The following LAMA5 variants were observed in gnomAD, a reference collection of about 807,000 sequenced individuals.
LAMA5 encodes laminin subunit alpha-5.
Under a neutral mutation model 433.4 loss-of-function variants are expected in LAMA5, and 260 were observed. The ratio of observed to expected loss-of-function variants is 0.60; its 90% CI spans 0.54 to 0.66. The LOEUF (loss-of-function observed/expected upper bound fraction) is 0.66, where lower values mean the gene tolerates loss of function less well. Among genes scored for constraint, LAMA5 ranks in the 30% least tolerant of loss-of-function variants. LAMA5 has a pLI of 0.00. For synonymous variants in LAMA5, 2,620 were observed against 2,226.6 expected (o/e 1.18, Z -4.97); for missense variants, 5,378 against 5,258.5 (o/e 1.02, Z -0.70).
chr20:62,347,864 G>A (rs958757037), intron 6 of LAMA5, among the ~76,000 whole-genome samples: 1 of 152,196 alleles, frequency 6.6e-6, no homozygotes, highest in Admixed American at 6.5e-5. Flanking sequence ...TGTCCTCCAC[G>A]GGGCCCACCT....
chr20:62,341,826 C>CAAAA lies in LAMA5; in HGVS notation c.1478-3222_1478-3219dup, dbSNP rs11466846. The stretch of plus-strand genomic sequence containing the variant: ...CGAACCTCTGTTAGGTCTGATCAAC[C>CAAAA]AAAAAAAAAAAAAAAAAAAAAGAAG... On this transcript the variant is annotated intron_variant, in intron 11 of 79. Coordinates refer to ENST00000252999, the MANE Select transcript of LAMA5 (RefSeq NM_005560.6). Among the ~76,000 whole-genome samples the CAAAA allele has an allele frequency of 3.0e-3, 379 of 127,960 alleles. 1 individual carries two copies. The highest frequency in any genetic ancestry group is 0.013 in the African/African-American group (355 of 26,408). 83.9% of individuals were successfully genotyped at this position (127,960 alleles called of 152,430 possible). A position where few individuals can be genotyped will look rare whatever the true frequency, so the allele number is the denominator to read the frequency against.
chr20:62,332,346 G>A, intron 28 of LAMA5, 26 bp downstream of exon 28: 5 of 1,490,878 alleles, frequency 3.4e-6, no homozygotes, highest in Non-Finnish European at 4.7e-6. Flanking sequence ...CTGACCCCTT[G>A]GGGTGGGGAC....
At chr20:62,362,272 G>A in intron 2 of LAMA5, 128 bp downstream of exon 2, 1 of 958,586 alleles carries the variant, frequency 1.0e-6, no homozygotes, top group South Asian at 3.2e-5. Context: ...AGTCCTTCGT[G>A]TCCAGCCTCC....
chr20:62,342,302 C>CACA (rs1982722351), intron 11 of LAMA5: 1 of 300,370 alleles, frequency 3.3e-6, no homozygotes, highest in Non-Finnish European at 6.6e-6. Context: ...AACTCCATCT[C>CACA]AAAAAAAAAA....
At chr20:62,309,646 A>AGGGGGGGGGGGGGGGGGGGGGGGG in intron 79 of LAMA5, 70 bp downstream of exon 79, 1 of 271,108 alleles carries the variant, frequency 3.7e-6, no homozygotes, top group Non-Finnish European at 5.6e-6. Flanking sequence ...GGGTGGGGGG[A>AGGGGGGGGGGGGGGGGGGGGGGGG]GGGTGGTAGG....
At chr20:62,336,273 C>A in intron 18 of LAMA5, 67 bp downstream of exon 18, 1 of 1,190,894 alleles carries the variant, frequency 8.4e-7, no homozygotes, top group Non-Finnish European at 1.2e-6. Flanking sequence ...ACACTCCCTC[C>A]AGGATATACT....
Position 62,320,436 on chromosome 20 carries a change from T to C in LAMA5, c.6759+123A>G, listed in dbSNP as rs1987557472. The C allele has an allele frequency of 1.0e-5, 7 of 679,800 alleles. No homozygotes were observed. The South Asian group carries it at 1.2e-4, about 12-fold the overall frequency. 42.1% of individuals were successfully genotyped at this position (679,800 alleles called of 1,614,324 possible). ...TGGTCAACCCCTAAGACTCTCGAGC[T>C]CCTGTCCCCTGCACTGACACATGTA... On this transcript the variant is annotated intron_variant, in intron 50 of 79. Transcript: ENST00000252999.
At position 62,338,164 on chromosome 20, in the gene LAMA5, C is replaced by T. The variant is rs772475608; in HGVS notation, c.1757-14G>A. On this transcript the variant is annotated splice_polypyrimidine_tract_variant and intron_variant, in intron 13 of 79. Transcript: ENST00000252999. Reference sequence around the variant, plus strand: ...TGCAGCCACACACTGCAGAGCGGAGCGGGTGTCACGGTAGGCCAGGCCCAC... The same window carrying T: ...TGCAGCCACACACTGCAGAGCGGAGTGGGTGTCACGGTAGGCCAGGCCCAC... 1.5e-5 allele frequency: 23 copies of T among 1,570,330 alleles called. No individual in the cohort carries two copies. Among genetic ancestry groups the T allele is most frequent in the East Asian group, 2.3e-5 (1 of 44,348 alleles).
At chr20:62,357,372 C>G (rs1243971921) in intron 2 of LAMA5, among the ~76,000 whole-genome samples, 1 of 152,218 alleles carries the variant, frequency 6.6e-6, no homozygotes, top group Non-Finnish European at 1.5e-5. Context: ...ACTGCTCGGA[C>G]AGGGCACCGG....
At chr20:62,322,993 C>T (rs117195668) in intron 45 of LAMA5, among the ~76,000 whole-genome samples, 3,037 of 150,762 alleles carry the variant, frequency 0.02, 52 homozygotes, top group Non-Finnish European at 0.03. Context: ...GGCTGGTGTC[C>T]GCTGCCAGTG....
chr20:62,347,281 G>A (rs1348354107), intron 6 of LAMA5, among the ~76,000 whole-genome samples: 3 of 152,172 alleles, frequency 2.0e-5, no homozygotes, highest in African/African-American at 2.4e-5. Flanking sequence ...GGAGGACAGG[G>A]TCTCACAGGG....
At chr20:62,316,354 T>C (rs756615217) in intron 57 of LAMA5, 35 of 544,762 alleles carry the variant, frequency 6.4e-5, no homozygotes, top group Non-Finnish European at 1.1e-4. Context: ...CCTTTCTCAT[T>C]GCGCAGCTTG....
Position 62,324,905 on chromosome 20 carries a change from G to A in LAMA5, c.5530-351C>T, listed in dbSNP as rs62204516. ...AACCACAAACCTCCTCATACAGAAG[G>A]AGCAAAGTTACAGCAGACAGACAGA... On this transcript the variant is annotated intron_variant, in intron 41 of 79. Coordinates refer to ENST00000252999, the MANE Select transcript of LAMA5 (RefSeq NM_005560.6). This position sits in a 1 kb window ranked among gnomAD's most constrained non-coding sequence, Gnocchi z 4.4. 2 of 385,324 alleles carry A rather than the reference G, an allele frequency of 5.2e-6. No individual in the cohort carries two copies. The highest frequency in any genetic ancestry group is 4.1e-5 in the Admixed American group (1 of 24,256). The allele number at this position is 385,324 out of a possible 1,614,324, so 23.9% of individuals were successfully genotyped here. A position where few individuals can be genotyped will look rare whatever the true frequency, so the allele number is the denominator to read the frequency against.
chr20:62,333,712 C>T lies in LAMA5; in HGVS notation c.2879-6G>A, dbSNP rs375812538. 25 of 1,578,674 alleles carry T rather than the reference C, an allele frequency of 1.6e-5. No homozygotes were observed. Among genetic ancestry groups the T allele is most frequent in the African/African-American group, 8.0e-5 (6 of 74,592 alleles). On this transcript the variant is annotated splice_region_variant and splice_polypyrimidine_tract_variant and intron_variant, in intron 23 of 79. Coordinates refer to ENST00000252999, the MANE Select transcript of LAMA5 (RefSeq NM_005560.6). Reference sequence around the variant, plus strand: ...GGGCTGACTCTGTGCTGTGCCTGGGCGGGGGCAGGGGTGAGACTCCTGAGC... The same window carrying T: ...GGGCTGACTCTGTGCTGTGCCTGGGTGGGGGCAGGGGTGAGACTCCTGAGC...
At position 62,314,861 on chromosome 20, in the gene LAMA5, G is replaced by A. The variant is rs151304360; in HGVS notation, c.8134C>T (p.Leu2712=). The part of the protein sequence containing the change: ...NRGVHNASLA[L]SASIGRVREL... ...CGCACGCGGCCAATGCTGGCGGACAGGGCCAGGCTGGCGTTGTGCACCCCA... is the reference window on the plus strand; with the variant it reads ...CGCACGCGGCCAATGCTGGCGGACAAGGCCAGGCTGGCGTTGTGCACCCCA... Residue 2712 remains leucine, a synonymous_variant, in exon 60 of 80, where the codon CTG becomes TTG. Transcript: ENST00000252999. The A allele has an allele frequency of 5.6e-6, 9 of 1,612,432 alleles. No individual in the cohort carries two copies. Among genetic ancestry groups the A allele is most frequent in the African/African-American group, 2.7e-5 (2 of 74,914 alleles).
In LAMA5 at chr20:62,322,453, T is replaced by G; in HGVS notation, c.6166-4A>C. 1 of 1,574,024 alleles carries G rather than the reference T, an allele frequency of 6.4e-7. No homozygotes were observed. The highest frequency in any genetic ancestry group is 8.6e-7 in the Non-Finnish European group (1 of 1,160,214). ...CATCGAAACCAAAATGTCCCTCCTG[T>G]GGCACAGGCTGGTCACTGCCCTGCC... On this transcript the variant is annotated splice_region_variant and splice_polypyrimidine_tract_variant and intron_variant, in intron 46 of 79. Transcript: ENST00000252999.
At chr20:62,309,544 ACGT>A in intron 79 of LAMA5, 69 bp from the exon 80 acceptor site, 2 of 1,211,366 alleles carry the variant, frequency 1.7e-6, no homozygotes, top group South Asian at 3.1e-5. Flanking sequence ...CCCTTCCCAA[ACGT>A]CAGTGCCCCA....
In LAMA5 at chr20:62,327,289, G is replaced by A; in HGVS notation, c.5056C>T (p.Pro1686Ser). The A allele has an allele frequency of 1.3e-6, 2 of 1,577,502 alleles. No homozygotes were observed. The highest frequency in any genetic ancestry group is 1.8e-5 in the Admixed American group (1 of 55,132). The stretch of plus-strand genomic sequence containing the variant: ...CAGTACAGCTCGGGGAAAGCCTCGG[G>A]CACAGCCTCAGGCACGTGCCGCAGG... The part of the protein sequence containing the change: ...ADLRHVPEAV[P>S]EAFPELYWQA... The change falls in exon 38 of 80, where the codon CCC (proline) becomes TCC (serine). Residue 1686 changes from proline (P) to serine (S), a missense_variant. Transcript: ENST00000252999.
intron 16 of LAMA5, among the ~76,000 whole-genome samples, chr20:62,337,189 ATG>A: frequency 1.1e-5 from 1 of 92,546 alleles, no homozygotes; most frequent in East Asian, 3.0e-4. Flanking sequence ...GCACCCACTT[ATG>A]CGATACGCGC....
Sources: gnomAD v4.1 joint callset for allele counts (sites outside exome capture counted in the v4.1 genomes callset) on GRCh38, gnomAD v4.1.1 for gene constraint, Gnocchi (gnomAD v3.1) non-coding constraint, MANE v1.5 for transcripts, NCBI Gene and HGNC (gene_info 2026-07-23, HGNC 2026-07-21) for gene names.